Variants in TRPC6 observed in about 807,000 individuals in gnomAD.
The protein encoded by TRPC6 is transient receptor potential cation channel subfamily C member 6, also known as short transient receptor potential channel 6.
In TRPC6, 55 loss-of-function variants were observed where a neutral mutation model predicts 90.7. The ratio of observed to expected loss-of-function variants is 0.61; its 90% confidence interval spans 0.49 to 0.76. TRPC6 has a LOEUF of 0.76. Among genes scored for constraint, TRPC6 ranks in the 30% least tolerant of loss-of-function variants. The pLI, the probability that TRPC6 is intolerant of heterozygous loss-of-function variation, is 0.00. For missense variants in TRPC6, 989 were observed against 1,122.7 expected, an observed-to-expected ratio of 0.88 and a Z score of 1.70; for synonymous variants, 393 against 393.0, an observed-to-expected ratio of 1.00 and a Z score of 0.00.
rs772870318 is a variant in TRPC6, at chr11:101,504,419, G to T, written c.550C>A (p.Pro184Thr). Residue 184 changes from proline to threonine, a missense_variant, in exon 2 of 13, where the codon CCG becomes ACG. This residue lies in a region of TRPC6 where 486 missense variants were observed against 591.9 expected (regional missense o/e 0.82). Coordinates refer to ENST00000344327, the MANE Select transcript of TRPC6 (RefSeq NM_004621.6). ...AACCTCTTGCCTTCAGCAAAAGCCG[G>T]ATGACTGAGAATTGCTTCCACAATC... ...VRIVEAILSHPAFAEGKRLAT... is the reference protein window; with the variant it reads ...VRIVEAILSHTAFAEGKRLAT... 6.2e-7 allele frequency: 1 copy of T among 1,614,080 alleles called. No homozygotes were observed. Among genetic ancestry groups the T allele is most frequent in the Non-Finnish European group, 8.5e-7 (1 of 1,180,004 alleles).
At chr11:101,474,142 A>T (rs966978625) in intron 6 of TRPC6, among the ~76,000 whole-genome samples, 3 of 152,202 alleles carry the variant, frequency 2.0e-5, no homozygotes, top group African/African-American at 7.2e-5. Context: ...TATCCCTTCT[A>T]ACTCTCTTGT....
intron 1 of TRPC6, among the ~76,000 whole-genome samples, chr11:101,556,336 AAT>A (rs1186172113): frequency 6.6e-6 from 1 of 152,092 alleles, no homozygotes; most frequent in African/African-American, 2.4e-5. Context: ...AAGAAAAAAA[AAT>A]AGAGATAATT....
chr11:101,521,623 A>C (rs1860662797), intron 1 of TRPC6, among the ~76,000 whole-genome samples: 1 of 152,216 alleles, frequency 6.6e-6, no homozygotes, highest in African/African-American at 2.4e-5. Context: ...AGAATGGTAG[A>C]TCCATTGACA....
chr11:101,491,832 CATTCTTT>C, intron 2 of TRPC6, 94 bp from the exon 3 acceptor site: 12 of 568,380 alleles, frequency 2.1e-5, no homozygotes, highest in Non-Finnish European at 3.2e-5. Context: ...TTAAGAGAAA[CATTCTTT>C]TTTTTTTTTT....
chr11:101,515,375 G>A (rs1371809211), intron 1 of TRPC6, among the ~76,000 whole-genome samples: 3 of 152,082 alleles, frequency 2.0e-5, no homozygotes, highest in African/African-American at 7.2e-5. Flanking sequence ...GGAATACTCT[G>A]TGCTTTGTTT....
At chr11:101,514,124 A>T (rs187858941) in intron 1 of TRPC6, among the ~76,000 whole-genome samples, 11 of 152,334 alleles carry the variant, frequency 7.2e-5, no homozygotes, top group African/African-American at 2.6e-4. Context: ...CATCATTATC[A>T]ACCCTCACAC....
chr11:101,499,343 G>A (rs889429297), intron 2 of TRPC6, among the ~76,000 whole-genome samples: 1 of 151,664 alleles, frequency 6.6e-6, no homozygotes, highest in African/African-American at 2.4e-5. Flanking sequence ...ACAGGAAAAT[G>A]GTCAAAGCCC....
chr11:101,528,206 T>C (rs1860826431), intron 1 of TRPC6, among the ~76,000 whole-genome samples: 1 of 152,120 alleles, frequency 6.6e-6, no homozygotes. Flanking sequence ...GAATGTGTAA[T>C]AGGAAAGGTA....
chr11:101,517,066 A>G (rs1300970210), intron 1 of TRPC6, among the ~76,000 whole-genome samples: 1 of 152,242 alleles, frequency 6.6e-6, no homozygotes, highest in African/African-American at 2.4e-5. Flanking sequence ...CTGGAAAGCT[A>G]CCCATTATGT....
intron 1 of TRPC6, among the ~76,000 whole-genome samples, chr11:101,562,621 T>G (rs1385822870): frequency 6.6e-6 from 1 of 152,214 alleles, no homozygotes; most frequent in Admixed American, 6.5e-5. Context: ...CTTACTCATA[T>G]GTAGGTAGCT....
At chr11:101,570,164 G>A (rs928339820) in intron 1 of TRPC6, among the ~76,000 whole-genome samples, 1 of 151,900 alleles carries the variant, frequency 6.6e-6, no homozygotes, top group Admixed American at 6.6e-5. Context: ...GAATCAAATA[G>A]ATGGAATAAA....
chr11:101,534,311 T>C (rs984524416), intron 1 of TRPC6, among the ~76,000 whole-genome samples: 5 of 152,198 alleles, frequency 3.3e-5, no homozygotes, highest in East Asian at 3.9e-4. Flanking sequence ...AATTTTTGTA[T>C]TTTTAGTAGA....
chr11:101,558,399 A>G (rs1405145298), intron 1 of TRPC6, among the ~76,000 whole-genome samples: 1 of 48,692 alleles, frequency 2.1e-5, no homozygotes, highest in African/African-American at 8.6e-5. Context: ...GTATACATAT[A>G]CACACACACA....
rs886047537 is a variant in TRPC6, at chr11:101,469,512, T to C, written c.2410-11A>G. ...CTTTTCTTCATTTATCTTTTAAAGA[T>C]AGATAGTAAAATGAGTATAACTGCA... is the stretch of plus-strand genomic sequence containing the variant. On this transcript the variant is annotated splice_polypyrimidine_tract_variant and intron_variant, in intron 9 of 12. Coordinates refer to ENST00000344327, the MANE Select transcript of TRPC6 (RefSeq NM_004621.6). The C allele has an allele frequency of 1.1e-5, 8 of 751,260 alleles. No individual in the cohort carries two copies. Among genetic ancestry groups the C allele is most frequent in the Admixed American group, 9.0e-5 (5 of 55,858 alleles). 46.5% of individuals were successfully genotyped at this position (751,260 alleles called of 1,614,324 possible). A position where few individuals can be genotyped will look rare whatever the true frequency, so the allele number is the denominator to read the frequency against.
chr11:101,470,782 A>G (rs1294061320), intron 9 of TRPC6, among the ~76,000 whole-genome samples: 1 of 146,340 alleles, frequency 6.8e-6, no homozygotes, highest in African/African-American at 2.5e-5. Flanking sequence ...TGTAGAAGCT[A>G]TCTAAGAGTT....
intron 1 of TRPC6, among the ~76,000 whole-genome samples, chr11:101,515,071 A>G (rs1368136838): frequency 1.3e-5 from 2 of 152,204 alleles, no homozygotes; most frequent in African/African-American, 4.8e-5. Flanking sequence ...TTACTATGAA[A>G]TTGGTGATTT....
intron 10 of TRPC6, among the ~76,000 whole-genome samples, chr11:101,463,096 C>T (rs545050730): frequency 2.3e-4 from 35 of 152,156 alleles, no homozygotes; most frequent in African/African-American, 6.7e-4. Flanking sequence ...GTTCTGTTTA[C>T]GTGATGGATT....
intron 3 of TRPC6, among the ~76,000 whole-genome samples, chr11:101,489,617 G>T (rs1311316468): frequency 6.9e-6 from 1 of 144,938 alleles, no homozygotes; most frequent in Admixed American, 6.7e-5. Context: ...TTTCACTTAA[G>T]AAGACTTTAA....
At position 101,488,960 on chromosome 11, in the gene TRPC6, A is replaced by G; in HGVS notation, c.1270T>C (p.Tyr424His). The change falls in exon 4 of 13, where the codon TAC becomes CAC. Residue 424 changes from tyrosine (Y) to histidine (H), a missense_variant. Physicochemically the swap from Tyr to His is moderately conservative, Grantham distance 83. This residue lies in a region of TRPC6 where 486 missense variants were observed against 591.9 expected (regional missense o/e 0.82). Transcript: ENST00000344327. ...AIGLPFLALI[Y>H]WFAPCSKMGK... The stretch of plus-strand genomic sequence containing the variant: ...ACCTTGCTGCATGGAGCAAACCAGT[A>G]AATGAGAGCCAGGAAGGGCAGTCCA... The G allele has an allele frequency of 6.2e-7, 1 of 1,614,182 alleles. No homozygotes were observed. The highest frequency in any genetic ancestry group is 2.2e-5 in the East Asian group (1 of 44,888).
Sources: allele counts gnomAD v4.1 joint callset (sites outside exome capture counted in the v4.1 genomes callset), GRCh38; gene constraint gnomAD v4.1.1; regional missense constraint gnomAD v4.1.1; transcripts MANE v1.5; gene names NCBI Gene and HGNC (gene_info 2026-07-23, HGNC 2026-07-21).